IL23R: variants seen among roughly 807,000 people sequenced by gnomAD.
IL23R encodes interleukin-23 receptor.
A neutral mutation model predicts 56.9 loss-of-function variants in IL23R; 34 were observed. The ratio of observed to expected loss-of-function variants is 0.60; its 90% confidence interval spans 0.45 to 0.80. The LOEUF (loss-of-function observed/expected upper bound fraction) is 0.80, where lower values mean the gene tolerates loss of function less well. Ranked by LOEUF, IL23R falls within the 30% of genes least tolerant of loss-of-function variation. The probability of loss-of-function intolerance (pLI) is 0.00; values close to 1 mark genes in which losing one functional copy is unlikely to be tolerated. For missense variants in IL23R, 635 were observed against 730.0 expected (o/e 0.87, Z 1.50); for synonymous variants, 230 against 249.2 (o/e 0.92, Z 0.73).
intron 5 of IL23R, among the ~76,000 whole-genome samples, chr1:67,205,628 T>G (rs890894153): frequency 1.4e-4 from 21 of 152,200 alleles, no homozygotes; most frequent in African/African-American, 5.1e-4. Flanking sequence ...ACAAAACAAC[T>G]AATAAAATAA....
At chr1:67,205,915 C>CTTTCTTTCTTTCTTTCTTT (rs58824749) in intron 5 of IL23R, among the ~76,000 whole-genome samples, 15 of 123,240 alleles carry the variant, frequency 1.2e-4, no homozygotes, top group Admixed American at 2.5e-4. Flanking sequence ...TTCTTTCTTT[C>CTTTCTTTCTTTCTTTCTTT]TTTCTTTCTT....
chr1:67,260,764 A>C (rs1653178802), downstream of IL23R, among the ~76,000 whole-genome samples: 1 of 152,096 alleles, frequency 6.6e-6, no homozygotes, highest in African/African-American at 2.4e-5. Flanking sequence ...GGGCATGTAA[A>C]TTCATGCCTA....
chr1:67,185,123 A>G (rs988348354), intron 4 of IL23R, among the ~76,000 whole-genome samples: 17 of 152,358 alleles, frequency 1.1e-4, no homozygotes, highest in Admixed American at 1.0e-3. Flanking sequence ...AGTCTAAGGT[A>G]TTTGTATGGC....
intron 6 of IL23R, chr1:67,207,612 C>A: frequency 2.6e-6 from 1 of 391,050 alleles, no homozygotes. Context: ...GCTTTTGCTT[C>A]TTCCTCATTT....
upstream of IL23R, among the ~76,000 whole-genome samples, chr1:67,162,165 C>T (rs1439557769): frequency 6.6e-6 from 1 of 151,412 alleles, no homozygotes; most frequent in African/African-American, 2.4e-5. Flanking sequence ...AGTAATGGTT[C>T]ATCAAAAATC....
intron 1 of IL23R, among the ~76,000 whole-genome samples, chr1:67,152,318 G>A (rs897952334): frequency 3.9e-5 from 6 of 152,152 alleles, no homozygotes; most frequent in Admixed American, 6.5e-5. Flanking sequence ...TGTATCCTGA[G>A]ACTGCTGAAG....
At chr1:67,168,997 C>T (rs929827235) in intron 2 of IL23R, among the ~76,000 whole-genome samples, 7 of 151,978 alleles carry the variant, frequency 4.6e-5, no homozygotes, top group Admixed American at 3.3e-4. Context: ...CCATATTAGC[C>T]GGGCGTGGTG....
intron 7 of IL23R, among the ~76,000 whole-genome samples, chr1:67,230,343 G>C (rs1287973548): frequency 6.6e-6 from 1 of 152,214 alleles, no homozygotes; most frequent in Non-Finnish European, 1.5e-5. Context: ...GCAAATGTCT[G>C]CTAGACTATA....
At chr1:67,168,604 T>G (rs926729492) in intron 2 of IL23R, among the ~76,000 whole-genome samples, 4 of 152,222 alleles carry the variant, frequency 2.6e-5, no homozygotes, top group African/African-American at 7.2e-5. Context: ...AGTATGATTT[T>G]ATTCATTATA....
At chr1:67,265,816 G>C in the IL23R span, among the ~76,000 whole-genome samples, 8 of 151,980 alleles carry the variant, frequency 5.3e-5, no homozygotes, top group Non-Finnish European at 2.9e-5. Flanking sequence ...TGAAGTAGGA[G>C]GACTGCTTGA....
chr1:67,224,697 C>CTTT (rs1256691456), intron 7 of IL23R, among the ~76,000 whole-genome samples: 1 of 152,150 alleles, frequency 6.6e-6, no homozygotes, highest in Non-Finnish European at 1.5e-5. Flanking sequence ...AGTATTTAGA[C>CTTT]TTTAATAGGA....
intron 9 of IL23R, among the ~76,000 whole-genome samples, chr1:67,253,525 T>C (rs1652768362): frequency 6.6e-6 from 1 of 152,222 alleles, no homozygotes; most frequent in African/African-American, 2.4e-5. Flanking sequence ...TATAATCAAG[T>C]GCAGTAGAAA....
intron 1 of IL23R, among the ~76,000 whole-genome samples, chr1:67,156,506 C>T (rs751209253): frequency 1.3e-5 from 2 of 152,188 alleles, no homozygotes; most frequent in Non-Finnish European, 2.9e-5. Flanking sequence ...GCAAAGATGC[C>T]TTGCCCAGTG....
chr1:67,245,735 A>G (rs538495371), intron 9 of IL23R, among the ~76,000 whole-genome samples: 40 of 152,212 alleles, frequency 2.6e-4, no homozygotes, highest in African/African-American at 8.4e-4. Context: ...GGATTTTCAC[A>G]TCGATGTTTA....
chr1:67,211,780 T>C (rs1427680205), intron 6 of IL23R, among the ~76,000 whole-genome samples: 1 of 152,218 alleles, frequency 6.6e-6, no homozygotes. Context: ...GAAACTCTTA[T>C]TCTCTGCTCC....
At chr1:67,154,014 C>G (rs548912903) in intron 1 of IL23R, among the ~76,000 whole-genome samples, 1 of 152,178 alleles carries the variant, frequency 6.6e-6, no homozygotes, top group Non-Finnish European at 1.5e-5. Flanking sequence ...GTGATCTGCC[C>G]GCTTCGTTCT....
Position 67,189,481 on chromosome 1 carries a change from T to A in IL23R, c.491+6522T>A, listed in dbSNP as rs893387317. On this transcript the variant is annotated intron_variant, in intron 4 of 10. Transcript: ENST00000347310. ...TTGATGGAGGCCAGATTAATGGGAT[T>A]TTATTACATTCTAAACAGGACATAA... Among the ~76,000 whole-genome samples, 6 of 152,318 alleles carry A rather than the reference T, an allele frequency of 3.9e-5. 1 individual carries two copies. The South Asian group carries it at 1.0e-3, about 26-fold the overall frequency.
chr1:67,165,375 G>C (rs1303869424), upstream of IL23R, among the ~76,000 whole-genome samples: 2 of 152,098 alleles, frequency 1.3e-5, no homozygotes, highest in Admixed American at 6.5e-5. Flanking sequence ...AATTGGTACA[G>C]TTATCATGGA....
At chr1:67,148,412 C>T (rs976992384) in intron 1 of IL23R, among the ~76,000 whole-genome samples, 2 of 152,236 alleles carry the variant, frequency 1.3e-5, no homozygotes, top group Admixed American at 6.5e-5. Context: ...AATCATTGTC[C>T]CTCCCGCTAT....
Sources: gnomAD v4.1 joint callset for allele counts (sites outside exome capture counted in the v4.1 genomes callset) on GRCh38, gnomAD v4.1.1 for gene constraint, MANE v1.5 for transcripts, NCBI Gene and HGNC (gene_info 2026-07-23, HGNC 2026-07-21) for gene names.